SGTA: variants seen among roughly 807,000 people sequenced by gnomAD.
SGTA encodes the protein small glutamine rich tetratricopeptide repeat co-chaperone alpha, also known as small glutamine-rich tetratricopeptide repeat-containing protein alpha.
Under a neutral mutation model 44.3 loss-of-function variants are expected in SGTA, and 22 were observed. That is an observed-to-expected ratio of 0.50 (90% CI 0.36 to 0.71). The LOEUF is 0.71. SGTA is among the 30% of genes least tolerant of loss of function. SGTA has a pLI of 0.00. For synonymous variants in SGTA, 174 were observed against 177.6 expected (o/e 0.98, Z 0.16); for missense variants, 341 against 435.9 (o/e 0.78, Z 1.94).
In SGTA at chr19:2,767,182, C is replaced by T. The variant is rs141798365; in HGVS notation, c.246G>A (p.Pro82=). ...CCTCTGCTGAGTCCTCCTCGGAAGGCGGGGTTCGCGCGGGGCTCCTCAGGT... is the reference window on the plus strand; with the variant it reads ...CCTCTGCTGAGTCCTCCTCGGAAGGTGGGGTTCGCGCGGGGCTCCTCAGGT... ...PQDLRSPART[P]PSEEDSAEAE... is the part of the protein sequence containing the mutation. The change falls in exon 4 of 12, where the codon CCG becomes CCA. Residue 82 remains proline (P), a synonymous_variant. Transcript: ENST00000221566. This position sits in a 1 kb window ranked among gnomAD's most constrained non-coding sequence, Gnocchi z 7.3. 2.2e-5 allele frequency: 36 copies of T among 1,612,678 alleles called. No homozygotes were observed. The highest frequency in any genetic ancestry group is 1.4e-4 in the South Asian group (13 of 90,716).
intron 8 of SGTA, 169 bp from the exon 9 acceptor site, chr19:2,759,463 C>A (rs1475763771): frequency 3.2e-6 from 2 of 622,386 alleles, no homozygotes; most frequent in African/African-American, 1.8e-5. Context: ...TTTTCGCCCC[C>A]CCACCCACGA....
At chr19:2,774,709 T>C (rs559625700) in intron 1 of SGTA, among the ~76,000 whole-genome samples, 4 of 152,226 alleles carry the variant, frequency 2.6e-5, no homozygotes, top group African/African-American at 7.2e-5. Context: ...GGCAAACTCC[T>C]GGCCTCAAGC....
At chr19:2,776,194 C>T (rs147891115) in intron 1 of SGTA, among the ~76,000 whole-genome samples, 7 of 152,350 alleles carry the variant, frequency 4.6e-5, no homozygotes, top group African/African-American at 1.4e-4. Flanking sequence ...GGAAAACAGA[C>T]ACATGCCACC....
intron 1 of SGTA, among the ~76,000 whole-genome samples, chr19:2,776,601 T>C (rs1307726106): frequency 6.6e-6 from 1 of 152,160 alleles, no homozygotes; most frequent in Non-Finnish European, 1.5e-5. Flanking sequence ...CTTCTGGAGA[T>C]GATGGTGGCG....
At position 2,763,817 on chromosome 19, in the gene SGTA, C is replaced by A; in HGVS notation, c.393-60G>T. On this transcript the variant is annotated intron_variant, in intron 5 of 11. Transcript: ENST00000221566. This position sits in a 1 kb window ranked among gnomAD's most constrained non-coding sequence, Gnocchi z 5.8. ...GCGGCTCTGAGCCCAGCGGGCAGCC[C>A]TTGAGGGGAGCCTGAGAGCTGCGTT... The A allele has an allele frequency of 7.2e-7, 1 of 1,392,844 alleles. No individual in the cohort carries two copies. The highest frequency in any genetic ancestry group is 1.2e-5 in the South Asian group (1 of 82,630). The allele number at this position is 1,392,844 out of a possible 1,614,324, so 86.3% of individuals were successfully genotyped here. A position where few individuals can be genotyped will look rare whatever the true frequency, so the allele number is the denominator to read the frequency against.
At chr19:2,779,418 G>C (rs1022445490) in intron 1 of SGTA, among the ~76,000 whole-genome samples, 2 of 152,146 alleles carry the variant, frequency 1.3e-5, no homozygotes, top group African/African-American at 2.4e-5. Flanking sequence ...AGGCTTTCCC[G>C]TAAGAAAGTT....
rs557845435 is a variant in SGTA, at chr19:2,769,782, C to G, written c.-23-691G>C. Among the ~76,000 whole-genome samples the G allele has an allele frequency of 1.3e-3, 193 of 148,910 alleles. 1 individual carries two copies. The highest frequency in any genetic ancestry group is 4.7e-3 in the African/African-American group (190 of 40,236). On this transcript the variant is annotated intron_variant, in intron 1 of 11. Transcript: ENST00000221566. ...CCCTCGGACACCCTCCTGTGCCCCC[C>G]TCGGACACCCGCCTGGTTCCCCCAC... is the stretch of plus-strand genomic sequence containing the variant.
In SGTA at chr19:2,765,114, T is replaced by C. The variant is rs1006866772; in HGVS notation, c.392+72A>G. 1 of 1,039,700 alleles carries C rather than the reference T, an allele frequency of 9.6e-7. No individual in the cohort carries two copies. The highest frequency in any genetic ancestry group is 1.5e-6 in the Non-Finnish European group (1 of 662,894). 64.4% of individuals were successfully genotyped at this position (1,039,700 alleles called of 1,614,324 possible). A position where few individuals can be genotyped will look rare whatever the true frequency, so the allele number is the denominator to read the frequency against. On this transcript the variant is annotated intron_variant, in intron 5 of 11. Transcript: ENST00000221566. The surrounding 1 kb of genome is among the most constrained non-coding windows in gnomAD (Gnocchi z 5.5). ...GCGCAGAGGCCTCTCCCATCTCAGG[T>C]CCCTGCTAAGCATCCCGGAGGACGC...
chr19:2,768,475 C>T (rs1915211230), intron 2 of SGTA, among the ~76,000 whole-genome samples: 1 of 152,166 alleles, frequency 6.6e-6, no homozygotes. Flanking sequence ...CTCCCCGAGC[C>T]CTCCTTTCCC....
chr19:2,780,856 T>C (rs182585726), intron 1 of SGTA, among the ~76,000 whole-genome samples: 146 of 152,170 alleles, frequency 9.6e-4, no homozygotes, highest in African/African-American at 3.4e-3. Context: ...GAGGCCAAGG[T>C]GGAGGATCAC....
chr19:2,761,627 T>A lies in SGTA; in HGVS notation c.637-105A>T. ...GGCCCCCCACGGGGCTCAGACATTC[T>A]ATCAACCCTGCGGCCAGAGGGTGCT... On this transcript the variant is annotated intron_variant, in intron 7 of 11. Transcript: ENST00000221566. The surrounding 1 kb of genome is among the most constrained non-coding windows in gnomAD (Gnocchi z 5.7). 1 of 942,360 alleles carries A rather than the reference T, an allele frequency of 1.1e-6. No homozygotes were observed. The allele number at this position is 942,360 out of a possible 1,614,324, so 58.4% of individuals were successfully genotyped here. A position where few individuals can be genotyped will look rare whatever the true frequency, so the allele number is the denominator to read the frequency against.
chr19:2,757,685 C>G lies in SGTA; in HGVS notation c.827+8G>C. On this transcript the variant is annotated splice_region_variant and intron_variant, in intron 10 of 11. Transcript: ENST00000221566. ...GTCCTCCGTCCTCTTGGAAGCAGTT[C>G]CACTCACGCCTGGATGAGGCTGGCC... 1 of 1,556,312 alleles carries G rather than the reference C, an allele frequency of 6.4e-7. No homozygotes were observed. Among genetic ancestry groups the G allele is most frequent in the Non-Finnish European group, 8.7e-7 (1 of 1,151,684 alleles).
Position 2,763,614 on chromosome 19 carries a change from CGA to C in SGTA, c.497+37_497+38del, listed in dbSNP as rs1361530596. The C allele has an allele frequency of 4.8e-6, 7 of 1,444,436 alleles. No individual in the cohort carries two copies. In the Admixed American group the frequency reaches 9.0e-5, roughly 19 times the overall value. The allele number at this position is 1,444,436 out of a possible 1,614,324, so 89.5% of individuals were successfully genotyped here. A position where few individuals can be genotyped will look rare whatever the true frequency, so the allele number is the denominator to read the frequency against. On this transcript the variant is annotated intron_variant, in intron 6 of 11. Coordinates refer to ENST00000221566, the MANE Select transcript of SGTA (RefSeq NM_003021.4). The surrounding 1 kb of genome is among the most constrained non-coding windows in gnomAD (Gnocchi z 5.8). Reference sequence around the variant, plus strand: ...AGCAGGAGCAGGAGAGGAGGGGTCCCGAGAGACTGGAAAGGCGCGGCCGTGGA... The same window carrying C: ...AGCAGGAGCAGGAGAGGAGGGGTCCCGAGACTGGAAAGGCGCGGCCGTGGA...
chr19:2,757,336 C>G lies in SGTA; in HGVS notation c.*6+1G>C. 1 of 1,600,688 alleles carries G rather than the reference C, an allele frequency of 6.2e-7. No individual in the cohort carries two copies. The highest frequency in any genetic ancestry group is 8.5e-7 in the Non-Finnish European group (1 of 1,179,654). On this transcript the variant is annotated splice_donor_variant, in intron 11 of 11. Transcript: ENST00000221566. LOFTEE classifies it low-confidence loss of function (3UTR_SPLICE). ...CCCAGCCCCCGGCCCCATGCACTCA[C>G]GCAGCGTCACTCCTGCTGGTCGTCG...
Position 2,761,584 on chromosome 19 carries a change from C to T in SGTA, c.637-62G>A, listed in dbSNP as rs1203528337. On this transcript the variant is annotated intron_variant, in intron 7 of 11. Transcript: ENST00000221566. The surrounding 1 kb of genome is among the most constrained non-coding windows in gnomAD (Gnocchi z 5.7). ...ACCAGAGGCCACGGTGAATAACCCC[C>T]TGGAACTCAGAAACAACGGCCCCCC... The T allele has an allele frequency of 3.6e-6, 5 of 1,373,384 alleles. No individual in the cohort carries two copies. The highest frequency in any genetic ancestry group is 5.1e-6 in the Non-Finnish European group (5 of 986,682). The allele number at this position is 1,373,384 out of a possible 1,614,324, so 85.1% of individuals were successfully genotyped here. A position where few individuals can be genotyped will look rare whatever the true frequency, so the allele number is the denominator to read the frequency against.
chr19:2,769,451 T>C (rs1031798401), intron 1 of SGTA, among the ~76,000 whole-genome samples: 31 of 152,110 alleles, frequency 2.0e-4, no homozygotes, highest in Non-Finnish European at 4.1e-4. Context: ...CCAGGGATGC[T>C]GCCCAGCACC....
chr19:2,772,147 A>G (rs115371527), intron 1 of SGTA, among the ~76,000 whole-genome samples: 3,374 of 152,316 alleles, frequency 0.022, 104 homozygotes, highest in African/African-American at 0.076. Flanking sequence ...CTGAGGCCTC[A>G]GGAGCTGGGG....
intron 1 of SGTA, among the ~76,000 whole-genome samples, chr19:2,774,681 T>C (rs923702646): frequency 1.3e-4 from 20 of 151,958 alleles, no homozygotes; most frequent in Non-Finnish European, 2.9e-5. Flanking sequence ...CTATGTAAAA[T>C]ACCTGCCCAT....
chr19:2,771,419 T>C (rs900375950), intron 1 of SGTA, among the ~76,000 whole-genome samples: 5 of 150,994 alleles, frequency 3.3e-5, no homozygotes, highest in Admixed American at 1.3e-4. Flanking sequence ...TGAGACTCCA[T>C]GTCAAAAAAA....
Sources: allele counts gnomAD v4.1 joint callset (sites outside exome capture counted in the v4.1 genomes callset), GRCh38; gene constraint gnomAD v4.1.1; non-coding constraint Gnocchi (gnomAD v3.1); transcripts MANE v1.5; gene names NCBI Gene and HGNC (gene_info 2026-07-23, HGNC 2026-07-21).